Variants in PCDHA4 observed in about 807,000 individuals in gnomAD.
The protein encoded by PCDHA4 is protocadherin alpha 4, also known as protocadherin alpha-4.
A neutral mutation model predicts 61.4 loss-of-function variants in PCDHA4; 49 were observed. The ratio of observed to expected loss-of-function variants is 0.80; its 90% CI spans 0.63 to 1.01. The LOEUF (loss-of-function observed/expected upper bound fraction) is 1.01, where lower values mean the gene tolerates loss of function less well. PCDHA4 is among the 50% of genes least tolerant of loss of function. The pLI is 0.00. For synonymous variants in PCDHA4, 590 were observed against 550.3 expected (o/e 1.07, Z -1.01); for missense variants, 1,254 against 1,235.8 (o/e 1.01, Z -0.22).
chr5:140,887,707 C>A (rs1554183190), intron 1 of PCDHA4, among the ~76,000 whole-genome samples: 1 of 152,132 alleles, frequency 6.6e-6, no homozygotes, highest in African/African-American at 2.4e-5. Context: ...AACCATACTT[C>A]TTCTAATAGT....
chr5:140,883,826 C>G, intron 1 of PCDHA4: 1 of 1,612,622 alleles, frequency 6.2e-7, no homozygotes, highest in South Asian at 1.1e-5. Context: ...GGTGTACGCG[C>G]TGCAGCCGTT....
At chr5:140,918,313 T>C (rs1406314903) in intron 1 of PCDHA4, among the ~76,000 whole-genome samples, 3 of 152,146 alleles carry the variant, frequency 2.0e-5, no homozygotes, top group African/African-American at 7.2e-5. Context: ...GTTTTCTAGG[T>C]ATAAAATTAT....
At chr5:140,875,367 T>A (rs937879067) in intron 1 of PCDHA4, 1 of 1,449,166 alleles carries the variant, frequency 6.9e-7, no homozygotes, top group Non-Finnish European at 9.1e-7. Context: ...CTGGAAAAAA[T>A]TTACTAAATA....
chr5:140,868,994 A>C, intron 1 of PCDHA4: 1 of 1,510,848 alleles, frequency 6.6e-7, no homozygotes, highest in Non-Finnish European at 8.8e-7. Context: ...GCCACCGTTT[A>C]AGGATCCTTT....
chr5:140,835,582 C>T, intron 1 of PCDHA4: 1 of 1,613,912 alleles, frequency 6.2e-7, no homozygotes, highest in Non-Finnish European at 8.5e-7. Context: ...TTGGTGTCCA[C>T]CTTCAAGAAT....
intron 1 of PCDHA4, chr5:140,926,754 C>T: frequency 1.6e-6 from 2 of 1,283,492 alleles, no homozygotes; most frequent in Non-Finnish European, 2.0e-6. Flanking sequence ...TCGGCGGTCG[C>T]TGAGTATCCA....
chr5:140,917,936 A>G (rs155801), intron 1 of PCDHA4, among the ~76,000 whole-genome samples: 49,654 of 151,910 alleles, frequency 0.33, 8,386 homozygotes, highest in East Asian at 0.53. Context: ...GAAAAATAAT[A>G]TTGGTAGTTT....
intron 1 of PCDHA4, chr5:140,828,741 G>A (rs201515728): frequency 8.7e-6 from 14 of 1,614,102 alleles, no homozygotes; most frequent in African/African-American, 1.3e-5. Context: ...GCCACAGATG[G>A]GGGCAAACCT....
At chr5:140,944,383 C>T (rs1344204416) in intron 1 of PCDHA4, among the ~76,000 whole-genome samples, 1 of 152,084 alleles carries the variant, frequency 6.6e-6, no homozygotes, top group African/African-American at 2.4e-5. Context: ...GATGGAGTCT[C>T]ACTGTGTTAT....
At chr5:140,844,714 T>C (rs1779510682) in intron 1 of PCDHA4, among the ~76,000 whole-genome samples, 1 of 149,562 alleles carries the variant, frequency 6.7e-6, no homozygotes, top group Admixed American at 6.7e-5. Context: ...TCATGGCCCA[T>C]TAGTTCGTGT....
intron 1 of PCDHA4, chr5:140,875,431 T>C (rs1554167634): frequency 1.3e-6 from 2 of 1,558,558 alleles, no homozygotes. Context: ...AAGCGATCCC[T>C]TAAAACTGAT....
rs2150421063 is a variant in PCDHA4, at chr5:140,848,806, T to C, written c.2385+39234T>C. The C allele has an allele frequency of 8.8e-6, 14 of 1,591,932 alleles. 1 individual carries two copies. The South Asian group carries it at 1.4e-4, about 16-fold the overall frequency. The stretch of plus-strand genomic sequence containing the variant: ...TGCGGGCGGAGCGCGGAGTGCAGCA[T>C]CCACCTGGAGGTGATCGTAGACAGG... On this transcript the variant is annotated intron_variant, in intron 1 of 3. Coordinates refer to ENST00000530339, the MANE Select transcript of PCDHA4 (RefSeq NM_018907.4).
chr5:140,979,076 C>T, intron 2 of PCDHA4, 69 bp downstream of exon 2: 1 of 1,584,068 alleles, frequency 6.3e-7, no homozygotes, highest in Non-Finnish European at 8.6e-7. Flanking sequence ...AACTGCATCT[C>T]CATAGGCCAG....
At chr5:141,008,488 C>A (rs1300609417) in intron 3 of PCDHA4, among the ~76,000 whole-genome samples, 1 of 152,124 alleles carries the variant, frequency 6.6e-6, no homozygotes, top group Non-Finnish European at 1.5e-5. Flanking sequence ...CTAGAAGTCA[C>A]TGGTATACTT....
At chr5:140,929,294 G>A in intron 1 of PCDHA4, 1 of 1,594,058 alleles carries the variant, frequency 6.3e-7, no homozygotes, top group Non-Finnish European at 8.6e-7. Flanking sequence ...ATTCGGAATA[G>A]GAAAGGGGAT....
At chr5:141,004,705 C>T (rs535016776) in intron 3 of PCDHA4, among the ~76,000 whole-genome samples, 5 of 152,154 alleles carry the variant, frequency 3.3e-5, no homozygotes, top group Admixed American at 6.5e-5. Context: ...TTTTAGGTGC[C>T]GAATCAGAGG....
intron 1 of PCDHA4, chr5:140,968,252 C>T: frequency 1.2e-6 from 2 of 1,613,948 alleles, no homozygotes; most frequent in Non-Finnish European, 1.7e-6. Context: ...AGCCACAGAC[C>T]CAGATGAAAA....
intron 1 of PCDHA4, among the ~76,000 whole-genome samples, chr5:140,924,027 G>T (rs1458552046): frequency 1.3e-5 from 2 of 152,194 alleles, no homozygotes; most frequent in Non-Finnish European, 2.9e-5. Context: ...TTGGAGGCAT[G>T]GCTGCAGACC....
intron 1 of PCDHA4, chr5:140,842,767 G>A (rs2150343877): frequency 1.9e-6 from 3 of 1,594,562 alleles, no homozygotes; most frequent in Non-Finnish European, 2.6e-6. Context: ...CGCGAGACGC[G>A]GACGCGCAGG....
Sources: allele counts gnomAD v4.1 joint callset (sites outside exome capture counted in the v4.1 genomes callset), GRCh38; gene constraint gnomAD v4.1.1; transcripts MANE v1.5; gene names NCBI Gene and HGNC (gene_info 2026-07-23, HGNC 2026-07-21).